The following NXPH1 variants were observed in gnomAD, a reference collection of about 807,000 sequenced individuals.
The protein encoded by NXPH1 is neurexophilin 1.
Under a neutral mutation model 23.7 loss-of-function variants are expected in NXPH1, and 5 were observed. The observed-to-expected ratio is 0.21, with a 90% confidence interval of 0.11 to 0.44. The LOEUF (loss-of-function observed/expected upper bound fraction) is 0.44. NXPH1 is among the 20% of genes least tolerant of loss of function. The pLI, the probability that NXPH1 is intolerant of heterozygous loss-of-function variation, is 0.99. For missense variants in NXPH1, 324 were observed against 321.6 expected, an observed-to-expected ratio of 1.01 and a Z score of -0.06; for synonymous variants, 144 against 122.2, an observed-to-expected ratio of 1.18 and a Z score of -1.18.
chr7:8,558,003 A>T (rs1255359738), intron 2 of NXPH1, among the ~76,000 whole-genome samples: 1 of 151,432 alleles, frequency 6.6e-6, no homozygotes, highest in Non-Finnish European at 1.5e-5. Flanking sequence ...GTCCTATCAT[A>T]AAAAAAAGGT....
At chr7:8,749,734 TG>T (rs2115235282) in intron 2 of NXPH1, among the ~76,000 whole-genome samples, 1 of 152,282 alleles carries the variant, frequency 6.6e-6, no homozygotes, top group Non-Finnish European at 1.5e-5. Flanking sequence ...GGCTTTTTAA[TG>T]GGTAGCTGGG....
intron 2 of NXPH1, among the ~76,000 whole-genome samples, chr7:8,598,105 C>G (rs1436935989): frequency 6.6e-6 from 1 of 152,088 alleles, no homozygotes; most frequent in Non-Finnish European, 1.5e-5. Flanking sequence ...CCTGCCCATG[C>G]TCATATATAG....
intron 2 of NXPH1, among the ~76,000 whole-genome samples, chr7:8,635,446 G>C (rs986098018): frequency 1.3e-5 from 2 of 152,176 alleles, no homozygotes; most frequent in Non-Finnish European, 2.9e-5. Context: ...GGCACCCTTT[G>C]AATTATTTTA....
At chr7:8,492,692 T>C (rs11984431) in intron 2 of NXPH1, among the ~76,000 whole-genome samples, 2,940 of 152,088 alleles carry the variant, frequency 0.019, 87 homozygotes, top group African/African-American at 0.066. Context: ...GTGGTTGTTG[T>C]CATGCCTGAG....
chr7:8,634,877 T>G (rs1313444854), intron 2 of NXPH1, among the ~76,000 whole-genome samples: 1 of 152,144 alleles, frequency 6.6e-6, no homozygotes, highest in Non-Finnish European at 1.5e-5. Context: ...AGAATTCAGA[T>G]GTTTCAACTC....
intron 2 of NXPH1, among the ~76,000 whole-genome samples, chr7:8,487,738 G>C (rs1027764987): frequency 6.6e-6 from 1 of 152,036 alleles, no homozygotes; most frequent in African/African-American, 2.4e-5. Context: ...TAAAATTTTG[G>C]AATTTGTTTA....
chr7:8,497,747 T>C lies in NXPH1; in HGVS notation c.54+61980T>C, dbSNP rs181693918. Reference sequence around the variant, plus strand: ...CTTGTAAATTTGTTTAAGTTCTTTGTAGATTCTGGATATTAGCCCTTTGTC... The same window carrying C: ...CTTGTAAATTTGTTTAAGTTCTTTGCAGATTCTGGATATTAGCCCTTTGTC... On this transcript the variant is annotated intron_variant, in intron 2 of 2. Coordinates refer to ENST00000405863, the MANE Select transcript of NXPH1 (RefSeq NM_152745.3). Among the ~76,000 whole-genome samples the C allele has an allele frequency of 5.4e-3, 819 of 152,318 alleles. 6 individuals carry two copies. The highest frequency in any genetic ancestry group is 0.018 in the African/African-American group (756 of 41,580).
intron 2 of NXPH1, among the ~76,000 whole-genome samples, chr7:8,688,486 C>A (rs546851739): frequency 1.3e-5 from 2 of 152,094 alleles, no homozygotes; most frequent in Admixed American, 6.6e-5. Context: ...TTGCTTTAGG[C>A]CAAACCAATC....
rs185102431 is a variant in NXPH1, at chr7:8,574,014, T to C, written c.54+138247T>C. ...GAACTGTGAGTGTCATAAAGATTTA[T>C]TGAGGATTTAAGATGTTCTTAGGAC... On this transcript the variant is annotated intron_variant, in intron 2 of 2. Coordinates refer to ENST00000405863, the MANE Select transcript of NXPH1 (RefSeq NM_152745.3). Among the ~76,000 whole-genome samples the C allele has an allele frequency of 7.6e-4, 116 of 152,222 alleles. 3 individuals carry two copies. Among genetic ancestry groups the C allele is most frequent in the African/African-American group, 2.6e-3 (108 of 41,538 alleles).
chr7:8,548,401 T>C (rs1371778385), intron 2 of NXPH1, among the ~76,000 whole-genome samples: 1 of 151,550 alleles, frequency 6.6e-6, no homozygotes, highest in South Asian at 2.1e-4. Flanking sequence ...TTAAAAGGAA[T>C]CCAGAAGAAT....
At chr7:8,465,362 C>T (rs1816768958) in intron 2 of NXPH1, among the ~76,000 whole-genome samples, 2 of 152,138 alleles carry the variant, frequency 1.3e-5, no homozygotes, top group Admixed American at 6.5e-5. Flanking sequence ...GCTCAGGTGA[C>T]ATTGGGGATT....
At chr7:8,606,585 T>C (rs972842431) in intron 2 of NXPH1, among the ~76,000 whole-genome samples, 1 of 152,184 alleles carries the variant, frequency 6.6e-6, no homozygotes, top group Non-Finnish European at 1.5e-5. Flanking sequence ...TGCCAGGCAT[T>C]GGAAGTTAAG....
intron 2 of NXPH1, among the ~76,000 whole-genome samples, chr7:8,681,795 G>T (rs980446326): frequency 6.6e-6 from 1 of 152,182 alleles, no homozygotes; most frequent in Admixed American, 6.5e-5. Context: ...TGAGATGATT[G>T]GGAGACATTG....
chr7:8,572,177 A>T (rs977999035), intron 2 of NXPH1, among the ~76,000 whole-genome samples: 8 of 151,978 alleles, frequency 5.3e-5, no homozygotes, highest in African/African-American at 1.9e-4. Flanking sequence ...CTGAAATTCA[A>T]AATTAAGTAG....
intron 2 of NXPH1, among the ~76,000 whole-genome samples, chr7:8,594,530 A>C (rs533494894): frequency 6.6e-6 from 1 of 152,180 alleles, no homozygotes; most frequent in Non-Finnish European, 1.5e-5. Flanking sequence ...TTCAAGCTTA[A>C]AAATATGTTT....
intron 2 of NXPH1, among the ~76,000 whole-genome samples, chr7:8,483,304 C>T (rs1021739936): frequency 2.0e-5 from 3 of 152,070 alleles, no homozygotes; most frequent in African/African-American, 7.2e-5. Flanking sequence ...AAGCATTGCT[C>T]TTAGCACTCA....
At chr7:8,497,120 T>C (rs540695486) in intron 2 of NXPH1, among the ~76,000 whole-genome samples, 4 of 152,292 alleles carry the variant, frequency 2.6e-5, no homozygotes, top group South Asian at 4.1e-4. Context: ...TGTTTGGTTT[T>C]CTGTCCTTGC....
intron 2 of NXPH1, among the ~76,000 whole-genome samples, chr7:8,457,534 A>G (rs985792532): frequency 7.6e-6 from 1 of 132,438 alleles, no homozygotes; most frequent in Non-Finnish European, 1.5e-5. Context: ...TCATTGCCCT[A>G]ATTCTTAGTT....
intron 2 of NXPH1, among the ~76,000 whole-genome samples, chr7:8,725,120 G>T (rs1246495515): frequency 6.6e-6 from 1 of 152,168 alleles, no homozygotes; most frequent in Admixed American, 6.5e-5. Context: ...ATTCTCAAGG[G>T]AATAGTTTTC....
Sources: gnomAD v4.1 joint callset for allele counts (sites outside exome capture counted in the v4.1 genomes callset) on GRCh38, gnomAD v4.1.1 for gene constraint, MANE v1.5 for transcripts, NCBI Gene and HGNC (gene_info 2026-07-23, HGNC 2026-07-21) for gene names.